Variants in XPNPEP3 observed in about 807,000 individuals in gnomAD.
XPNPEP3 encodes the protein X-prolyl aminopeptidase 3, also known as xaa-Pro aminopeptidase 3.
A neutral mutation model predicts 60.0 loss-of-function variants in XPNPEP3; 41 were observed. The observed-to-expected ratio is 0.68, with a 90% CI of 0.53 to 0.89. The LOEUF (loss-of-function observed/expected upper bound fraction) is 0.89, where lower values mean the gene tolerates loss of function less well. Ranked by LOEUF, XPNPEP3 falls within the 40% of genes least tolerant of loss-of-function variation. The pLI is 0.00. For synonymous variants in XPNPEP3, 212 were observed against 223.2 expected, an observed-to-expected ratio of 0.95 and a Z score of 0.45; for missense variants, 598 against 638.9, an observed-to-expected ratio of 0.94 and a Z score of 0.69.
rs183778276 is a variant in XPNPEP3, at chr22:40,858,614, C to T, written c.64+1369C>T. ...GCGCGATCTCTTGCCTTACTGCAAC[C>T]TCCACCTCCCGAGTTCAAGCGATTC... On this transcript the variant is annotated intron_variant, in intron 1 of 9. Coordinates refer to ENST00000357137, the MANE Select transcript of XPNPEP3 (RefSeq NM_022098.4). 2.6e-4 allele frequency among the ~76,000 whole-genome samples: 38 copies of T among 148,866 alleles called. No homozygotes were observed. In the Admixed American group the frequency reaches 2.6e-3, roughly 10 times the overall value.
Position 40,909,125 on chromosome 22 carries a change from G to C in XPNPEP3, c.859G>C (p.Glu287Gln), listed in dbSNP as rs2058167133. 6.2e-7 allele frequency: 1 copy of C among 1,614,158 alleles called. No individual in the cohort carries two copies. Among genetic ancestry groups the C allele is most frequent in the African/African-American group, 1.3e-5 (1 of 75,060 alleles). The stretch of plus-strand genomic sequence containing the variant: ...ACCTTGCTGTTGTTTTTCACAGTTT[G>C]AATTTGAATGCCGGGCTCGTGGCGC... The part of the protein sequence containing the change: ...VEEAFLYAKF[E>Q]FECRARGADI... The change falls in exon 6 of 10, where the codon GAA becomes CAA. Residue 287 changes from glutamate (E) to glutamine (Q), a missense_variant. Glu to Gln is a conservative substitution (Grantham distance 29). Transcript: ENST00000357137.
chr22:40,925,796 T>A (rs2146283139), intron 9 of XPNPEP3, among the ~76,000 whole-genome samples: 2 of 152,358 alleles, frequency 1.3e-5, no homozygotes, highest in East Asian at 3.9e-4. Flanking sequence ...TTGTCAAGGC[T>A]AATAATCTCT....
chr22:40,907,427 A>G (rs2058160607), intron 4 of XPNPEP3, among the ~76,000 whole-genome samples, 160 bp from the exon 5 acceptor site: 1 of 152,198 alleles, frequency 6.6e-6, no homozygotes, highest in Non-Finnish European at 1.5e-5. Context: ...TCTCAAAAAA[A>G]AAACAAAAAA....
At chr22:40,889,223 C>G (rs1160226235) in intron 4 of XPNPEP3, among the ~76,000 whole-genome samples, 2 of 151,932 alleles carry the variant, frequency 1.3e-5, no homozygotes, top group Admixed American at 1.3e-4. Flanking sequence ...TGGGGTGTCA[C>G]TATATTATCC....
intron 1 of XPNPEP3, chr22:40,861,495 C>T: frequency 6.2e-7 from 1 of 1,614,144 alleles, no homozygotes; most frequent in Non-Finnish European, 8.5e-7. Context: ...AGAAGTAAGG[C>T]CTTCATGCCC....
intron 2 of XPNPEP3, among the ~76,000 whole-genome samples, chr22:40,877,690 A>C (rs1862928316): frequency 1.3e-5 from 2 of 152,186 alleles, no homozygotes; most frequent in African/African-American, 4.8e-5. Flanking sequence ...CCACATCATA[A>C]AATGCTGACT....
chr22:40,896,126 G>C lies in XPNPEP3; in HGVS notation c.792+9611G>C, dbSNP rs1442499153. ...CTGCCTTGGGATTTTTATAGTCTGA[G>C]GAGTTTAATGACAGGCAGTTGTGGA... On this transcript the variant is annotated intron_variant, in intron 4 of 9. Coordinates refer to ENST00000357137, the MANE Select transcript of XPNPEP3 (RefSeq NM_022098.4). 3.9e-5 allele frequency among the ~76,000 whole-genome samples: 6 copies of C among 152,232 alleles called. 1 individual carries two copies. In the South Asian group the frequency reaches 1.0e-3, roughly 26 times the overall value.
At chr22:40,871,581 A>T (rs958660729) in intron 2 of XPNPEP3, among the ~76,000 whole-genome samples, 1 of 152,072 alleles carries the variant, frequency 6.6e-6, no homozygotes, top group African/African-American at 2.4e-5. Context: ...TTTTTTTTTA[A>T]TTACTAATAA....
In XPNPEP3 at chr22:40,929,110, C is replaced by T. The variant is rs1047104082; in HGVS notation, c.*2675C>T. ...GGCTCTGTGCCCCCAACAGCCCTTT[C>T]CTTGGATTGTGTTTCCTTTGTTCAT... On this transcript the variant is annotated 3_prime_UTR_variant, in exon 10 of 10. Coordinates refer to ENST00000357137, the MANE Select transcript of XPNPEP3 (RefSeq NM_022098.4). 19 of 152,154 alleles carry T rather than the reference C, an allele frequency of 1.2e-4. No homozygotes were observed. The highest frequency in any genetic ancestry group is 4.6e-4 in the African/African-American group (19 of 41,438). 9.4% of individuals were successfully genotyped at this position (152,154 alleles called of 1,614,324 possible).
At position 40,875,909 on chromosome 22, in the gene XPNPEP3, A is replaced by C. The variant is rs1018522097; in HGVS notation, c.182-5861A>C. On this transcript the variant is annotated intron_variant, in intron 2 of 9. Coordinates refer to ENST00000357137, the MANE Select transcript of XPNPEP3 (RefSeq NM_022098.4). ...GTGGTGCATGCTTGTAATCCCAGCT[A>C]CTCAGGAGACTGAGGCATGAGAATC... 2.6e-5 allele frequency among the ~76,000 whole-genome samples: 4 copies of C among 151,922 alleles called. No individual in the cohort carries two copies. The East Asian group carries it at 5.8e-4, about 22-fold the overall frequency.
At chr22:40,914,512 A>G (rs375135270) in intron 7 of XPNPEP3, among the ~76,000 whole-genome samples, 188 bp downstream of exon 7, 13 of 147,100 alleles carry the variant, frequency 8.8e-5, no homozygotes, top group Non-Finnish European at 1.6e-4. Context: ...ACATAGAAAC[A>G]CCTAGGTAAC....
At chr22:40,898,221 A>G (rs377453643) in intron 4 of XPNPEP3, among the ~76,000 whole-genome samples, 2 of 58,614 alleles carry the variant, frequency 3.4e-5, no homozygotes, top group Non-Finnish European at 7.3e-5. Context: ...TAGGTCTTTG[A>G]CCCATTTTTT....
chr22:40,873,289 G>A (rs2058014891), intron 2 of XPNPEP3, among the ~76,000 whole-genome samples: 1 of 150,956 alleles, frequency 6.6e-6, no homozygotes, highest in South Asian at 2.1e-4. Flanking sequence ...ATTTTTAGTA[G>A]AGAGGGGGTT....
At chr22:40,897,040 T>G (rs1029031722) in intron 4 of XPNPEP3, among the ~76,000 whole-genome samples, 1 of 148,928 alleles carries the variant, frequency 6.7e-6, no homozygotes, top group Non-Finnish European at 1.5e-5. Flanking sequence ...TTTTTTTTTT[T>G]TTTTTTTTTT....
rs774708829 is a variant in XPNPEP3, at chr22:40,857,205, C to T, written c.24C>T (p.Pro8=). MPWLLSA[P]KLVPAVANVR... Reference sequence around the variant, plus strand: ...TAATGCCTTGGCTGCTCTCAGCCCCCAAGCTGGTTCCCGCTGTAGCAAACG... The same window carrying T: ...TAATGCCTTGGCTGCTCTCAGCCCCTAAGCTGGTTCCCGCTGTAGCAAACG... The change falls in exon 1 of 10, where the codon CCC becomes CCT. Residue 8 remains proline (P), a synonymous_variant. Transcript: ENST00000357137. 2.5e-6 allele frequency: 4 copies of T among 1,614,238 alleles called. No homozygotes were observed. In the East Asian group the frequency reaches 6.7e-5, roughly 27 times the overall value.
intron 4 of XPNPEP3, among the ~76,000 whole-genome samples, chr22:40,905,432 C>G (rs978685720): frequency 1.3e-5 from 2 of 152,188 alleles, no homozygotes; most frequent in African/African-American, 4.8e-5. Context: ...TGAACACCAA[C>G]TGTGTGCCAG....
chr22:40,912,330 C>T (rs1430005999), intron 6 of XPNPEP3, among the ~76,000 whole-genome samples: 1 of 152,108 alleles, frequency 6.6e-6, no homozygotes, highest in Non-Finnish European at 1.5e-5. Flanking sequence ...TACATATCTG[C>T]AACTGTGATA....
chr22:40,866,994 G>A lies in XPNPEP3; in HGVS notation c.65-2005G>A, dbSNP rs115545189. Reference sequence around the variant, plus strand: ...TATGTGTGCATGAGTACGTGTGCACGAGCGTGCATGTGGAGAAGGTGCAGG... The same window carrying A: ...TATGTGTGCATGAGTACGTGTGCACAAGCGTGCATGTGGAGAAGGTGCAGG... On this transcript the variant is annotated intron_variant, in intron 1 of 9. Transcript: ENST00000357137. 5.4e-3 allele frequency among the ~76,000 whole-genome samples: 827 copies of A among 152,300 alleles called. 4 individuals are homozygous for A. Among genetic ancestry groups the A allele is most frequent in the African/African-American group, 0.019 (791 of 41,560 alleles).
rs1025184203 is a variant in XPNPEP3 at position 40,932,340 on chromosome 22, T to G, written c.*5905T>G. The G allele has an allele frequency of 2.2e-4, 33 of 151,988 alleles. No homozygotes were observed. The highest frequency in any genetic ancestry group is 8.0e-4 in the African/African-American group (33 of 41,448). 9.4% of individuals were successfully genotyped at this position (151,988 alleles called of 1,614,324 possible). The stretch of plus-strand genomic sequence containing the variant: ...GAGGTTTTTATGGTGTGATTGTGTT[T>G]TTTTTTTTTTAATTTTTGTTTCCTG... On this transcript the variant is annotated 3_prime_UTR_variant, in exon 10 of 10. Coordinates refer to ENST00000357137, the MANE Select transcript of XPNPEP3 (RefSeq NM_022098.4).
Sources: gnomAD v4.1 joint callset for allele counts (sites outside exome capture counted in the v4.1 genomes callset) on GRCh38, gnomAD v4.1.1 for gene constraint, MANE v1.5 for transcripts, NCBI Gene and HGNC (gene_info 2026-07-23, HGNC 2026-07-21) for gene names.